PHACTR1: variants seen among roughly 807,000 people sequenced by gnomAD.
PHACTR1 encodes phosphatase and actin regulator 1.
In PHACTR1, 16 loss-of-function variants were observed where a neutral mutation model predicts 69.2. The observed-to-expected ratio is 0.23, with a 90% confidence interval of 0.16 to 0.35. The LOEUF is 0.35. Among genes scored for constraint, PHACTR1 ranks in the 10% least tolerant of loss-of-function variants. The probability of loss-of-function intolerance (pLI) is 1.00; values close to 1 mark genes in which losing one functional copy is unlikely to be tolerated. For synonymous variants in PHACTR1, 312 were observed against 284.5 expected (o/e 1.10, Z -0.97); for missense variants, 510 against 734.7 (o/e 0.69, Z 3.54).
chr6:12,724,681 A>G (rs1473918464), intron 3 of PHACTR1, among the ~76,000 whole-genome samples: 1 of 152,152 alleles, frequency 6.6e-6, no homozygotes, highest in Non-Finnish European at 1.5e-5. Flanking sequence ...ACCAAACCAC[A>G]CTTCCAGGGA....
chr6:12,992,947 TG>T (rs1189490429), intron 4 of PHACTR1, among the ~76,000 whole-genome samples: 4 of 152,186 alleles, frequency 2.6e-5, no homozygotes, highest in East Asian at 1.9e-4. Context: ...ATTATGCAAA[TG>T]GGTTCTTTAC....
chr6:12,750,617 C>CA (rs1308969724), intron 4 of PHACTR1, among the ~76,000 whole-genome samples: 1 of 151,900 alleles, frequency 6.6e-6, no homozygotes, highest in Non-Finnish European at 1.5e-5. Context: ...GATTCAGAGT[C>CA]AAAAAATGCC....
At chr6:12,856,492 G>C (rs1478108622) in intron 4 of PHACTR1, among the ~76,000 whole-genome samples, 1 of 152,140 alleles carries the variant, frequency 6.6e-6, no homozygotes, top group East Asian at 1.9e-4. Flanking sequence ...TCCTGACCTA[G>C]TGATCCGTCC....
chr6:12,779,491 T>TATTTC (rs1770540491), intron 4 of PHACTR1, among the ~76,000 whole-genome samples: 2 of 152,150 alleles, frequency 1.3e-5, no homozygotes, highest in African/African-American at 4.8e-5. Flanking sequence ...CTTTGGGAAA[T>TATTTC]ATTTCCCTTG....
chr6:12,849,157 G>A (rs562184201), intron 4 of PHACTR1, among the ~76,000 whole-genome samples: 3 of 152,280 alleles, frequency 2.0e-5, no homozygotes, highest in African/African-American at 4.8e-5. Context: ...TTTTCCCAAC[G>A]TAAGAGCAAT....
chr6:12,998,175 A>C (rs2127618078), intron 4 of PHACTR1, among the ~76,000 whole-genome samples: 1 of 152,350 alleles, frequency 6.6e-6, no homozygotes, highest in East Asian at 1.9e-4. Context: ...TATTGTAAAA[A>C]ATAAATTGGC....
intron 4 of PHACTR1, among the ~76,000 whole-genome samples, chr6:12,846,554 A>G (rs977483986): frequency 3.9e-5 from 6 of 152,224 alleles, no homozygotes; most frequent in Admixed American, 1.3e-4. Flanking sequence ...TGTTACTTAC[A>G]AACCAAACCA....
intron 4 of PHACTR1, among the ~76,000 whole-genome samples, chr6:12,807,836 A>G (rs1296006574): frequency 6.6e-6 from 1 of 152,194 alleles, no homozygotes; most frequent in South Asian, 2.1e-4. Context: ...TAGCATTGTG[A>G]TAGCTTTAAA....
In PHACTR1 at chr6:13,235,898, A is replaced by C. The variant is rs536288793; in HGVS notation, c.1391+5705A>C. On this transcript the variant is annotated intron_variant, in intron 10 of 14. Transcript: ENST00000332995. ...CCATACCCTCTTTGTTGTTTGGACC[A>C]GATGAAAGAAAAAGCCTGCAAAAGA... 2.6e-4 allele frequency among the ~76,000 whole-genome samples: 40 copies of C among 152,314 alleles called. No homozygotes were observed. The South Asian group carries it at 7.7e-3, about 29-fold the overall frequency.
At chr6:13,110,757 C>CTTA (rs1816908009) in intron 5 of PHACTR1, among the ~76,000 whole-genome samples, 2 of 152,186 alleles carry the variant, frequency 1.3e-5, no homozygotes, top group Non-Finnish European at 2.9e-5. Flanking sequence ...TCTCACAGAA[C>CTTA]TGCTCTGCGT....
At chr6:12,866,112 AATTTCAGCCCAAGCAACAGTTTTGGG>A (rs1229810640) in intron 4 of PHACTR1, among the ~76,000 whole-genome samples, 10 of 152,204 alleles carry the variant, frequency 6.6e-5, no homozygotes, top group Non-Finnish European at 1.2e-4. Flanking sequence ...GTACTCAGCA[AATTTCAGCCCAAGCAACAGTTTTGGG>A]GAAGAACCAT....
chr6:12,996,854 T>C (rs2127615622), intron 4 of PHACTR1, among the ~76,000 whole-genome samples: 1 of 152,252 alleles, frequency 6.6e-6, no homozygotes, highest in East Asian at 1.9e-4. Context: ...AGCAAACTAT[T>C]TGATAACTTT....
At chr6:13,131,208 TACACACACACACACACACACACAC>T (rs56329629) in intron 5 of PHACTR1, among the ~76,000 whole-genome samples, 8 of 146,374 alleles carry the variant, frequency 5.5e-5, no homozygotes, top group Non-Finnish European at 8.9e-5. Context: ...TATATACACA[TACACACACACACACACACACACAC>T]ACACACACAC....
intron 4 of PHACTR1, among the ~76,000 whole-genome samples, chr6:12,968,657 C>A (rs1037489826): frequency 6.6e-6 from 1 of 152,018 alleles, no homozygotes; most frequent in African/African-American, 2.4e-5. Context: ...CACTAAAATG[C>A]GAAAGGACTT....
At chr6:12,911,551 G>A (rs1489470460) in intron 4 of PHACTR1, among the ~76,000 whole-genome samples, 6 of 152,134 alleles carry the variant, frequency 3.9e-5, no homozygotes, top group African/African-American at 1.4e-4. Flanking sequence ...TGAGGTGTCT[G>A]CTAGAGGGCA....
chr6:12,858,593 T>C (rs1780632456), intron 4 of PHACTR1, among the ~76,000 whole-genome samples: 1 of 151,928 alleles, frequency 6.6e-6, no homozygotes, highest in African/African-American at 2.4e-5. Flanking sequence ...AGGAGTTCAA[T>C]GCAAGCCTGG....
chr6:12,830,601 T>A, intron 4 of PHACTR1, among the ~76,000 whole-genome samples: 1 of 152,046 alleles, frequency 6.6e-6, no homozygotes, highest in East Asian at 1.9e-4. Context: ...AAAAAAAATT[T>A]TTTTTGAGAC....
chr6:12,914,034 T>A (rs1474780729), intron 4 of PHACTR1, among the ~76,000 whole-genome samples: 1 of 152,198 alleles, frequency 6.6e-6, no homozygotes, highest in African/African-American at 2.4e-5. Flanking sequence ...AGTGGCGCAA[T>A]TTCAGCTTAC....
intron 10 of PHACTR1, among the ~76,000 whole-genome samples, chr6:13,251,069 T>C (rs143466470): frequency 1.2e-4 from 18 of 152,294 alleles, no homozygotes; most frequent in African/African-American, 3.1e-4. Context: ...TCCCTGTGCA[T>C]CGTCCACATG....
Sources: allele counts gnomAD v4.1 joint callset (sites outside exome capture counted in the v4.1 genomes callset), GRCh38; gene constraint gnomAD v4.1.1; transcripts MANE v1.5; gene names NCBI Gene and HGNC (gene_info 2026-07-23, HGNC 2026-07-21).